The following MAST4 variants were observed in gnomAD, a reference collection of about 807,000 sequenced individuals.
MAST4 encodes microtubule-associated serine/threonine-protein kinase 4.
MAST4 carries 89 observed loss-of-function variants against 162.7 expected under a neutral mutation model. That is an observed-to-expected ratio of 0.55 (90% CI 0.46 to 0.65). MAST4 has a LOEUF of 0.65. Among genes scored for constraint, MAST4 ranks in the 30% least tolerant of loss-of-function variants. The pLI, the probability that MAST4 is intolerant of heterozygous loss-of-function variation, is 0.00. For missense variants in MAST4, 3,153 were observed against 3,374.0 expected, an observed-to-expected ratio of 0.93 and a Z score of 1.62; for synonymous variants, 1,479 against 1,361.1, an observed-to-expected ratio of 1.09 and a Z score of -1.91.
intron 1 of MAST4, among the ~76,000 whole-genome samples, chr5:66,639,155 A>G (rs1393879073): frequency 6.6e-6 from 1 of 152,108 alleles, no homozygotes; most frequent in Non-Finnish European, 1.5e-5. Context: ...GGGAATAATT[A>G]GAGTAAGAAG....
intron 1 of MAST4, among the ~76,000 whole-genome samples, chr5:66,734,267 G>A (rs372070639): frequency 6.6e-6 from 1 of 152,066 alleles, no homozygotes; most frequent in African/African-American, 2.4e-5. Context: ...AGTGACTTGT[G>A]GGCACCAAGT....
intron 1 of MAST4, among the ~76,000 whole-genome samples, chr5:66,744,855 A>G (rs551191117): frequency 6.6e-6 from 1 of 152,346 alleles, no homozygotes; most frequent in African/African-American, 2.4e-5. Flanking sequence ...GACTCAAACA[A>G]TATCAAAGAG....
intron 5 of MAST4, among the ~76,000 whole-genome samples, chr5:67,060,547 C>T (rs1011148443): frequency 1.3e-4 from 19 of 149,308 alleles, no homozygotes; most frequent in Non-Finnish European, 1.6e-4. Flanking sequence ...GAGCGATCTC[C>T]GCTCACTCTA....
intron 3 of MAST4, among the ~76,000 whole-genome samples, chr5:66,852,291 G>C (rs1163139105): frequency 2.0e-5 from 3 of 152,104 alleles, no homozygotes; most frequent in Non-Finnish European, 2.9e-5. Flanking sequence ...GGGACTACAC[G>C]CATGCACTAC....
chr5:66,839,469 A>G (rs564366076), intron 3 of MAST4, among the ~76,000 whole-genome samples: 29 of 152,244 alleles, frequency 1.9e-4, no homozygotes, highest in Non-Finnish European at 4.0e-4. Flanking sequence ...GAATTGTACC[A>G]TAATGTGTAT....
intron 7 of MAST4, among the ~76,000 whole-genome samples, chr5:67,097,607 G>T (rs765792635): frequency 6.6e-6 from 1 of 152,056 alleles, no homozygotes; most frequent in Admixed American, 6.5e-5. Flanking sequence ...TGTGCCTACG[G>T]AAGACACCCC....
At chr5:67,040,112 C>T (rs1756538981) in intron 4 of MAST4, among the ~76,000 whole-genome samples, 3 of 152,080 alleles carry the variant, frequency 2.0e-5, no homozygotes, top group South Asian at 4.1e-4. Context: ...TCCCCAAAGC[C>T]AGTGCTATAC....
intron 1 of MAST4, among the ~76,000 whole-genome samples, chr5:66,755,768 T>G (rs2149603874): frequency 6.6e-6 from 1 of 152,274 alleles, no homozygotes; most frequent in East Asian, 1.9e-4. Flanking sequence ...CATGCTTATT[T>G]TTGGGGAGTG....
At position 67,164,066 on chromosome 5, in the gene MAST4, C is replaced by T; in HGVS notation, c.4887C>T (p.His1629=). The change falls in exon 29 of 29, where the codon CAC becomes CAT. Residue 1629 remains histidine, a synonymous_variant. Transcript: ENST00000403625. The surrounding 1 kb of genome is among the most constrained non-coding windows in gnomAD (Gnocchi z 5.3). The part of the protein sequence containing the change: ...AMSDGRVPAE[H]RQGGGDFRRA... ...CGGATGGCCGGGTGCCTGCGGAGCA[C>T]CGCCAGGGTGGCGGGGACTTCAGAC... 1 of 1,568,542 alleles carries T rather than the reference C, an allele frequency of 6.4e-7. No homozygotes were observed. Among genetic ancestry groups the T allele is most frequent in the South Asian group, 1.2e-5 (1 of 85,614 alleles).
intron 14 of MAST4, among the ~76,000 whole-genome samples, chr5:67,125,863 C>T (rs1231768820): frequency 6.6e-6 from 1 of 152,168 alleles, no homozygotes; most frequent in Non-Finnish European, 1.5e-5. Context: ...ATTTACACTC[C>T]CACCAACAGT....
At chr5:67,124,692 T>G (rs992660810) in intron 14 of MAST4, among the ~76,000 whole-genome samples, 16 of 152,220 alleles carry the variant, frequency 1.1e-4, no homozygotes, top group African/African-American at 3.1e-4. Context: ...CTCAAGCTAC[T>G]TATAGGATTC....
chr5:66,708,250 C>T (rs1318717602), intron 1 of MAST4, among the ~76,000 whole-genome samples: 1 of 152,092 alleles, frequency 6.6e-6, no homozygotes, highest in East Asian at 1.9e-4. Flanking sequence ...GCTTAACCAT[C>T]GAAGTCTGAC....
At chr5:66,613,927 G>A (rs1021362620) in intron 1 of MAST4, among the ~76,000 whole-genome samples, 1 of 137,108 alleles carries the variant, frequency 7.3e-6, no homozygotes, top group African/African-American at 2.9e-5. Context: ...TGCCAGTCAT[G>A]GTTTACTGGT....
At chr5:66,985,821 A>G (rs991382654) in intron 4 of MAST4, among the ~76,000 whole-genome samples, 3 of 152,186 alleles carry the variant, frequency 2.0e-5, no homozygotes, top group Non-Finnish European at 4.4e-5. Flanking sequence ...ATGGCAATGT[A>G]TTTAGCATAG....
At chr5:66,936,635 G>C (rs906182064) in intron 4 of MAST4, among the ~76,000 whole-genome samples, 2 of 152,194 alleles carry the variant, frequency 1.3e-5, no homozygotes, top group East Asian at 3.8e-4. Flanking sequence ...AATGTCATCA[G>C]TTAAGGCAGG....
intron 2 of MAST4, among the ~76,000 whole-genome samples, chr5:66,763,191 G>A (rs1014532857): frequency 1.3e-5 from 2 of 152,136 alleles, no homozygotes; most frequent in African/African-American, 4.8e-5. Flanking sequence ...CTGCTACACT[G>A]TTCCTAGCAT....
At chr5:67,058,885 G>A (rs1348348228) in intron 5 of MAST4, among the ~76,000 whole-genome samples, 1 of 152,236 alleles carries the variant, frequency 6.6e-6, no homozygotes, top group African/African-American at 2.4e-5. Context: ...AATATCTGCA[G>A]TAGTTTTCTA....
intron 4 of MAST4, among the ~76,000 whole-genome samples, chr5:66,969,830 G>C (rs372159423): frequency 1.3e-5 from 2 of 152,102 alleles, no homozygotes; most frequent in African/African-American, 4.8e-5. Flanking sequence ...TACAATGAGA[G>C]GTCCCATTTG....
chr5:67,025,732 C>CTA (rs1335146387), intron 4 of MAST4, among the ~76,000 whole-genome samples: 1 of 152,162 alleles, frequency 6.6e-6, no homozygotes, highest in Non-Finnish European at 1.5e-5. Context: ...GTTTAGCTAG[C>CTA]ATGTAGCTAG....
Sources: allele counts gnomAD v4.1 joint callset (sites outside exome capture counted in the v4.1 genomes callset), GRCh38; gene constraint gnomAD v4.1.1; non-coding constraint Gnocchi (gnomAD v3.1); transcripts MANE v1.5; gene names NCBI Gene and HGNC (gene_info 2026-07-23, HGNC 2026-07-21).